The following TENM1 variants were observed in gnomAD, a reference collection of about 807,000 sequenced individuals.
TENM1 encodes teneurin-1.
TENM1 carries 35 observed loss-of-function variants against 174.8 expected under a neutral mutation model. The observed-to-expected ratio is 0.20, with a 90% CI of 0.15 to 0.27. TENM1 has a LOEUF of 0.27. Ranked by LOEUF, TENM1 falls within the 10% of genes least tolerant of loss-of-function variation. The probability of loss-of-function intolerance (pLI) is 1.00; values close to 1 mark genes in which losing one functional copy is unlikely to be tolerated. For missense variants in TENM1, 1,633 were observed against 2,130.1 expected, an observed-to-expected ratio of 0.77 and a Z score of 4.59; for synonymous variants, 781 against 798.7, an observed-to-expected ratio of 0.98 and a Z score of 0.37.
At chrX:125,041,241 T>C in the TENM1 span, among the ~76,000 whole-genome samples, 2 of 111,448 alleles carry the variant, frequency 1.8e-5, no homozygotes, top group East Asian at 5.7e-4. Flanking sequence ...TACAAAGTAG[T>C]AGAAATTCAG....
chrX:124,383,164 C>G (rs893550980), intron 30 of TENM1, among the ~76,000 whole-genome samples: 1 of 109,965 alleles, frequency 9.1e-6, no homozygotes, highest in Non-Finnish European at 1.9e-5. Flanking sequence ...CCAGGCTGGT[C>G]TCAAACTCCT....
the TENM1 span, among the ~76,000 whole-genome samples, chrX:125,005,512 G>A: frequency 9.3e-6 from 1 of 107,539 alleles, no homozygotes; most frequent in Non-Finnish European, 1.9e-5. Context: ...TAGAGTCTAG[G>A]GTTTGTTTGC....
intron 3 of TENM1, among the ~76,000 whole-genome samples, chrX:124,787,450 T>C (rs768581659): frequency 1.8e-5 from 2 of 110,642 alleles, no homozygotes; most frequent in African/African-American, 6.7e-5. Context: ...TTTTCTTTAA[T>C]CCTTTGATTT....
chrX:124,584,737 T>A (rs1304364571), intron 11 of TENM1, among the ~76,000 whole-genome samples: 3 of 111,439 alleles, frequency 2.7e-5, no homozygotes, highest in Non-Finnish European at 5.6e-5. Context: ...AGACACAGAC[T>A]GGCAAATTGG....
chrX:124,519,908 C>T (rs113588831), intron 18 of TENM1, among the ~76,000 whole-genome samples: 31 of 111,598 alleles, frequency 2.8e-4, no homozygotes, highest in African/African-American at 9.1e-4. Context: ...CTATCTCTGC[C>T]TCATTTTAAA....
chrX:124,771,637 A>G (rs774906444), intron 3 of TENM1, among the ~76,000 whole-genome samples: 1 of 112,332 alleles, frequency 8.9e-6, no homozygotes, highest in Non-Finnish European at 1.9e-5. Context: ...TTTGAATTGA[A>G]TATTATCCAC....
chrX:124,553,164 A>G (rs2048614002), intron 14 of TENM1, among the ~76,000 whole-genome samples: 1 of 111,093 alleles, frequency 9.0e-6, no homozygotes, highest in South Asian at 3.8e-4. Context: ...AAAATGCACA[A>G]TTAAATTATT....
At chrX:124,696,634 T>C (rs2052658476) in intron 5 of TENM1, among the ~76,000 whole-genome samples, 1 of 111,467 alleles carries the variant, frequency 9.0e-6, no homozygotes, top group Non-Finnish European at 1.9e-5. Context: ...TATTTAATAT[T>C]ATTTTCATTT....
chrX:124,730,111 C>G (rs1569416199), intron 4 of TENM1, among the ~76,000 whole-genome samples: 1 of 110,615 alleles, frequency 9.0e-6, no homozygotes, highest in East Asian at 2.9e-4. Context: ...CTCAGGTGAT[C>G]CACCCGCCTC....
intron 3 of TENM1, among the ~76,000 whole-genome samples, chrX:124,785,930 G>A (rs988252332): frequency 1.8e-5 from 2 of 111,618 alleles, no homozygotes; most frequent in Admixed American, 9.5e-5. Flanking sequence ...GCATCTTATA[G>A]TAGCTTCATA....
At chrX:124,724,150 T>C (rs2053391032) in intron 4 of TENM1, among the ~76,000 whole-genome samples, 1 of 111,811 alleles carries the variant, frequency 8.9e-6, no homozygotes, top group Non-Finnish European at 1.9e-5. Flanking sequence ...CTCACGTAGG[T>C]GTTCCAATAT....
chrX:124,988,577 A>G, the TENM1 span, among the ~76,000 whole-genome samples: 21 of 111,829 alleles, frequency 1.9e-4, no homozygotes, highest in Non-Finnish European at 3.4e-4. Context: ...CTGATACCCA[A>G]ATTTAACAAA....
intron 15 of TENM1, among the ~76,000 whole-genome samples, chrX:124,531,850 C>T (rs1412346147): frequency 8.9e-6 from 1 of 112,095 alleles, no homozygotes; most frequent in Non-Finnish European, 1.9e-5. Flanking sequence ...TCCAATGTAA[C>T]AAGAAATGAA....
At chrX:124,890,459 A>G (rs905287101) in intron 3 of TENM1, among the ~76,000 whole-genome samples, 4 of 112,378 alleles carry the variant, frequency 3.6e-5, no homozygotes, top group Non-Finnish European at 7.5e-5. Context: ...CAGAATGTAT[A>G]AGAAGCTCAA....
intron 2 of TENM1, among the ~76,000 whole-genome samples, chrX:124,895,677 C>T (rs943773797): frequency 3.6e-5 from 4 of 111,249 alleles, no homozygotes; most frequent in African/African-American, 1.3e-4. Flanking sequence ...CTAGTATTGC[C>T]GTGGAAAATA....
At chrX:124,486,304 A>C (rs1014314355) in intron 21 of TENM1, among the ~76,000 whole-genome samples, 3 of 111,783 alleles carry the variant, frequency 2.7e-5, no homozygotes, top group Admixed American at 9.5e-5. Flanking sequence ...AGCAAAGATC[A>C]CTTCATTCAT....
intron 3 of TENM1, among the ~76,000 whole-genome samples, chrX:124,788,687 G>C (rs1431106387): frequency 8.9e-6 from 1 of 112,827 alleles, no homozygotes; most frequent in East Asian, 2.8e-4. Context: ...TTGACTCCAT[G>C]TCTCATGTCC....
At chrX:124,986,804 G>A in the TENM1 span, among the ~76,000 whole-genome samples, 18 of 111,134 alleles carry the variant, frequency 1.6e-4, 1 homozygote, top group East Asian at 5.1e-3. Flanking sequence ...ACCACATCCG[G>A]CTAATTTTTG....
chrX:124,528,898 A>G (rs2048041267), intron 16 of TENM1, among the ~76,000 whole-genome samples: 1 of 111,614 alleles, frequency 9.0e-6, no homozygotes, highest in Non-Finnish European at 1.9e-5. Context: ...TTTTATAAGT[A>G]CTTTCTTGAC....
Sources: gnomAD v4.1 joint callset for allele counts (sites outside exome capture counted in the v4.1 genomes callset) on GRCh38, gnomAD v4.1.1 for gene constraint, MANE v1.5 for transcripts, NCBI Gene and HGNC (gene_info 2026-07-23, HGNC 2026-07-21) for gene names.